The following LCMT1 variants were observed in gnomAD, a reference collection of about 807,000 sequenced individuals.
The protein encoded by LCMT1 is [Phosphatase 2A protein]-leucine-carboxy methyltransferase 1.
Under a neutral mutation model 47.7 loss-of-function variants are expected in LCMT1, and 32 were observed. The ratio of observed to expected loss-of-function variants is 0.67; its 90% confidence interval spans 0.51 to 0.90. The LOEUF is 0.90. LCMT1 is among the 40% of genes least tolerant of loss of function. The probability of loss-of-function intolerance (pLI) is 0.00; values close to 1 mark genes in which losing one functional copy is unlikely to be tolerated. For synonymous variants in LCMT1, 152 were observed against 149.7 expected (o/e 1.02, Z -0.11); for missense variants, 375 against 415.2 (o/e 0.90, Z 0.84).
Position 25,111,958 on chromosome 16 carries a change from C to T in LCMT1, c.75C>T (p.Gly25=), listed in dbSNP as rs1567303188. ...STSSCDADDE[G]VRGTCEDASL... is the part of the protein sequence containing the mutation. ...CGAGCTGCGACGCAGACGACGAGGG[C>T]GTGCGCGGCACCTGCGAAGATGCTT... The change falls in exon 1 of 11, where the codon GGC becomes GGT. Residue 25 remains glycine (G), a synonymous_variant. Transcript: ENST00000399069. 3 of 1,613,554 alleles carry T rather than the reference C, an allele frequency of 1.9e-6. No homozygotes were observed. The highest frequency in any genetic ancestry group is 2.5e-6 in the Non-Finnish European group (3 of 1,179,722).
chr16:25,145,693 G>T (rs1960827992), intron 4 of LCMT1: 1 of 152,320 alleles, frequency 6.6e-6, no homozygotes. Context: ...TGTTGCCTGG[G>T]GACTGGCAGG....
chr16:25,170,678 C>A, intron 8 of LCMT1, 36 bp from the exon 9 acceptor site: 1 of 1,511,790 alleles, frequency 6.6e-7, no homozygotes, highest in Non-Finnish European at 9.2e-7. Flanking sequence ...CCTGGTAGTT[C>A]TCTAGTTCTC....
intron 1 of LCMT1, among the ~76,000 whole-genome samples, chr16:25,122,051 A>G (rs1046204155): frequency 1.3e-5 from 2 of 152,128 alleles, no homozygotes; most frequent in Admixed American, 1.3e-4. Context: ...ATGTGTGTGA[A>G]TTTTCTTGTG....
Position 25,175,012 on chromosome 16 carries a change from A to G in LCMT1, c.960A>G (p.Ala320=). The change falls in exon 10 of 11, where the codon GCA becomes GCG. Residue 320 remains alanine (A), a synonymous_variant. Transcript: ENST00000399069. The part of the protein sequence containing the change: ...QLMRHYCLCW[A]TKGGNELGLK... Reference sequence around the variant, plus strand: ...TGCGGCATTACTGCCTTTGCTGGGCAACCAAAGGAGGAAATGAGCTTGGTG... The same window carrying G: ...TGCGGCATTACTGCCTTTGCTGGGCGACCAAAGGAGGAAATGAGCTTGGTG... 1 of 1,607,678 alleles carries G rather than the reference A, an allele frequency of 6.2e-7. No individual in the cohort carries two copies. The highest frequency in any genetic ancestry group is 8.5e-7 in the Non-Finnish European group (1 of 1,174,904).
rs765093147 is a variant in LCMT1, at chr16:25,140,172, A to G, written c.329A>G (p.Asp110Gly). 1.5e-5 allele frequency: 24 copies of G among 1,604,490 alleles called. No homozygotes were observed. The highest frequency in any genetic ancestry group is 2.0e-5 in the Non-Finnish European group (23 of 1,173,930). The change falls in exon 4 of 11, where the codon GAT (aspartate) becomes GGT (glycine). Residue 110 changes from aspartate (D) to glycine (G), a missense_variant and splice_region_variant. By Grantham distance (94) the Asp-to-Gly change is moderately conservative (BLOSUM62 -1). Transcript: ENST00000399069. Reference protein sequence around the residue: ...GMDTTFWRLKDEDLLPSKYFE... With the variant: ...GMDTTFWRLKGEDLLPSKYFE... Reference sequence around the variant, plus strand: ...AAAGTATTGTGTGTTTTTCCCCAGGATGAAGATCTTCTCCCAAGTAAATAT... The same window carrying G: ...AAAGTATTGTGTGTTTTTCCCCAGGGTGAAGATCTTCTCCCAAGTAAATAT...
At chr16:25,139,528 T>A (rs950680353) in intron 3 of LCMT1, among the ~76,000 whole-genome samples, 3 of 151,014 alleles carry the variant, frequency 2.0e-5, no homozygotes, top group African/African-American at 7.3e-5. Context: ...AAAAAAAAAA[T>A]GAAAAATATA....
intron 1 of LCMT1, among the ~76,000 whole-genome samples, chr16:25,118,940 C>G (rs2141625959): frequency 6.6e-6 from 1 of 152,176 alleles, no homozygotes; most frequent in South Asian, 2.1e-4. Context: ...GCTGTTGGAG[C>G]ATTTGGAACT....
rs1203144314 is a variant in LCMT1, at chr16:25,128,488, A to G, written c.127A>G (p.Ile43Val). 5.0e-6 allele frequency: 8 copies of G among 1,609,796 alleles called. No individual in the cohort carries two copies. The highest frequency in any genetic ancestry group is 2.2e-5 in the East Asian group (1 of 44,820). The change falls in exon 2 of 11, where the codon ATT becomes GTT. Residue 43 changes from isoleucine (I) to valine (V), a missense_variant. Coordinates refer to ENST00000399069, the MANE Select transcript of LCMT1 (RefSeq NM_016309.3). The stretch of plus-strand genomic sequence containing the variant: ...TCTCCCTTCCAGGTTTGCAGTAAGC[A>G]TTGGCTACTGGCATGACCCTTACAT... ...ASLCKRFAVSIGYWHDPYIQH... is the reference protein window; with the variant it reads ...ASLCKRFAVSVGYWHDPYIQH...
At position 25,143,504 on chromosome 16, in the gene LCMT1, G is replaced by A. The variant is rs1464096864; in HGVS notation, c.404+3257G>A. On this transcript the variant is annotated intron_variant, in intron 4 of 10. Coordinates refer to ENST00000399069, the MANE Select transcript of LCMT1 (RefSeq NM_016309.3). ...CCAAATTGAGAAATTACTTCCTTTA[G>A]TGAAGGTTTACAGACTTCTACTGCT... 6 of 152,194 alleles carry A rather than the reference G, an allele frequency of 3.9e-5. No homozygotes were observed. In the East Asian group the frequency reaches 5.8e-4, roughly 15 times the overall value. The allele number at this position is 152,194 out of a possible 1,614,324, so 9.4% of individuals were successfully genotyped here.
At position 25,123,932 on chromosome 16, in the gene LCMT1, T is replaced by C. The variant is rs138250514; in HGVS notation, c.114-4543T>C. On this transcript the variant is annotated intron_variant, in intron 1 of 10. Coordinates refer to ENST00000399069, the MANE Select transcript of LCMT1 (RefSeq NM_016309.3). Reference sequence around the variant, plus strand: ...CCTAATTTGCTTCCTTTCTTTCAAGTTGATAGCTCAAAATGTTGACTTCCA... The same window carrying C: ...CCTAATTTGCTTCCTTTCTTTCAAGCTGATAGCTCAAAATGTTGACTTCCA... 3.2e-4 allele frequency among the ~76,000 whole-genome samples: 48 copies of C among 152,258 alleles called. No individual in the cohort carries two copies. In the East Asian group the frequency reaches 8.5e-3, roughly 27 times the overall value.
chr16:25,116,046 G>C (rs1259304798), intron 1 of LCMT1, among the ~76,000 whole-genome samples: 13 of 152,176 alleles, frequency 8.5e-5, no homozygotes, highest in Admixed American at 8.5e-4. Flanking sequence ...AAGACCACCA[G>C]AAACACACCT....
intron 4 of LCMT1, chr16:25,143,318 GAA>G (rs906711919): frequency 2.6e-4 from 40 of 152,284 alleles, no homozygotes; most frequent in African/African-American, 8.4e-4. Flanking sequence ...TGCGTCTCCT[GAA>G]AGAGTTTGGC....
intron 9 of LCMT1, among the ~76,000 whole-genome samples, chr16:25,173,352 TAG>T (rs929606025): frequency 6.6e-6 from 1 of 152,208 alleles, no homozygotes; most frequent in Admixed American, 6.6e-5. Flanking sequence ...TGGATTTTTC[TAG>T]AACTTGGTAT....
intron 1 of LCMT1, among the ~76,000 whole-genome samples, chr16:25,118,116 G>C (rs1234846765): frequency 6.6e-6 from 1 of 152,116 alleles, no homozygotes; most frequent in Non-Finnish European, 1.5e-5. Context: ...CCAGAGGTTT[G>C]TAAAAGGCCC....
intron 3 of LCMT1, among the ~76,000 whole-genome samples, chr16:25,134,556 G>T (rs1040649371): frequency 5.3e-5 from 8 of 152,066 alleles, no homozygotes; most frequent in Non-Finnish European, 1.2e-4. Context: ...TTTCAGGAGG[G>T]TGACCTTCCC....
chr16:25,161,152 C>T lies in LCMT1; in HGVS notation c.517C>T (p.Arg173Ter), dbSNP rs755695509. ...KRYAVIGADL[R>*]DLSELEEKLK... ...ATATGCCGTTATTGGAGCAGATCTC[C>T]GAGACCTGTCTGAACTGGAAGAGAA... is the stretch of plus-strand genomic sequence containing the variant. Residue 173 changes from arginine (R) to a stop codon, truncating the protein, a stop_gained, in exon 6 of 11, where the codon CGA becomes TGA. Transcript: ENST00000399069. LOFTEE classifies it high-confidence loss of function. The T allele has an allele frequency of 3.7e-6, 6 of 1,610,834 alleles. No individual in the cohort carries two copies. Among genetic ancestry groups the T allele is most frequent in the East Asian group, 2.2e-5 (1 of 44,836 alleles).
chr16:25,138,948 A>G (rs1457778270), intron 3 of LCMT1, among the ~76,000 whole-genome samples: 4 of 145,466 alleles, frequency 2.7e-5, no homozygotes, highest in Admixed American at 1.4e-4. Flanking sequence ...TTTTTTTTTT[A>G]TTTTATCTTT....
intron 3 of LCMT1, 54 bp downstream of exon 3, chr16:25,132,577 A>G: frequency 6.3e-7 from 1 of 1,578,380 alleles, no homozygotes; most frequent in Non-Finnish European, 8.7e-7. Context: ...TTTTCGTTAG[A>G]TTTTCACCTA....
At chr16:25,158,444 C>G (rs1008380618) in intron 5 of LCMT1, among the ~76,000 whole-genome samples, 3 of 152,226 alleles carry the variant, frequency 2.0e-5, no homozygotes, top group Non-Finnish European at 2.9e-5. Flanking sequence ...CGGTCTGTTT[C>G]TTTAGAAAGT....
Sources: gnomAD v4.1 joint callset for allele counts (sites outside exome capture counted in the v4.1 genomes callset) on GRCh38, gnomAD v4.1.1 for gene constraint, MANE v1.5 for transcripts, NCBI Gene and HGNC (gene_info 2026-07-23, HGNC 2026-07-21) for gene names.